The following GSE1 variants were observed in gnomAD, a reference collection of about 807,000 sequenced individuals.
GSE1 encodes the protein genetic suppressor element 1.
GSE1 carries 32 observed loss-of-function variants against 112.6 expected under a neutral mutation model. The observed-to-expected ratio is 0.28, with a 90% CI of 0.21 to 0.38. The LOEUF (loss-of-function observed/expected upper bound fraction) is 0.38, where lower values mean the gene tolerates loss of function less well. Among genes scored for constraint, GSE1 ranks in the 10% least tolerant of loss-of-function variants. The pLI, the probability that GSE1 is intolerant of heterozygous loss-of-function variation, is 1.00. For missense variants in GSE1, 2,348 were observed against 1,699.2 expected (o/e 1.38, Z -6.71); for synonymous variants, 1,115 against 735.6 (o/e 1.52, Z -8.35).
At chr16:85,440,953 C>CG (rs1338175514) in intron 2 of GSE1, among the ~76,000 whole-genome samples, 1 of 152,150 alleles carries the variant, frequency 6.6e-6, no homozygotes, top group Non-Finnish European at 1.5e-5. Context: ...GGCCACTTGC[C>CG]GGGGGTGGGC....
chr16:85,360,128 T>C (rs1343353048), intron 2 of GSE1, among the ~76,000 whole-genome samples: 2 of 151,860 alleles, frequency 1.3e-5, no homozygotes, highest in East Asian at 1.9e-4. Flanking sequence ...TTGGAGACCT[T>C]TGGGGATGGG....
At chr16:85,322,763 C>A (rs557286010) in intron 1 of GSE1, among the ~76,000 whole-genome samples, 1 of 152,144 alleles carries the variant, frequency 6.6e-6, no homozygotes, top group African/African-American at 2.4e-5. Flanking sequence ...CTACAGACGT[C>A]CACCACCATG....
At chr16:85,568,593 G>T (rs2045855840) in intron 1 of GSE1, among the ~76,000 whole-genome samples, 1 of 152,226 alleles carries the variant, frequency 6.6e-6, no homozygotes, top group Non-Finnish European at 1.5e-5. Context: ...TCAGTACAGG[G>T]TTGGTTGATC....
chr16:85,672,625 G>T lies in GSE1; in HGVS notation c.*86G>T. 1.0e-6 allele frequency: 1 copy of T among 970,584 alleles called. No homozygotes were observed. Among genetic ancestry groups the T allele is most frequent in the Non-Finnish European group, 1.4e-6 (1 of 694,830 alleles). The allele number at this position is 970,584 out of a possible 1,614,324, so 60.1% of individuals were successfully genotyped here. A position where few individuals can be genotyped will look rare whatever the true frequency, so the allele number is the denominator to read the frequency against. On this transcript the variant is annotated 3_prime_UTR_variant, in exon 16 of 16. Transcript: ENST00000253458. Reference sequence around the variant, plus strand: ...GAATATTTAATATTTTTCACTGGGAGGTTTGAAGCTTACAAAATGAGAATG... The same window carrying T: ...GAATATTTAATATTTTTCACTGGGATGTTTGAAGCTTACAAAATGAGAATG...
rs74031745 is a variant in GSE1, at chr16:85,249,393, G to A, written c.2283+77586G>A. On this transcript the variant is annotated intron_variant, in intron 1 of 2. Transcript: ENST00000637419. ...CTGTGGCACTTGCGGAGGCCCAGTC[G>A]GGCCAGCACTCTGTGGGCCTGTGCA... is the stretch of plus-strand genomic sequence containing the variant. 4.1e-3 allele frequency among the ~76,000 whole-genome samples: 619 copies of A among 152,356 alleles called. 2 individuals carry two copies. Among genetic ancestry groups the A allele is most frequent in the Middle Eastern group, 0.024 (7 of 294 alleles).
At chr16:85,278,052 A>G (rs1597266381) in intron 1 of GSE1, among the ~76,000 whole-genome samples, 1 of 152,240 alleles carries the variant, frequency 6.6e-6, no homozygotes, top group Admixed American at 6.5e-5. Flanking sequence ...CGTATCGTCC[A>G]TTTGAACCTC....
At chr16:85,245,617 C>T (rs948700103) in intron 1 of GSE1, among the ~76,000 whole-genome samples, 29 of 152,144 alleles carry the variant, frequency 1.9e-4, no homozygotes, top group African/African-American at 6.3e-4. Context: ...TGTTGAAAAG[C>T]GGTTACATTA....
chr16:85,250,281 C>T (rs911627321), intron 1 of GSE1, among the ~76,000 whole-genome samples: 19 of 152,226 alleles, frequency 1.2e-4, no homozygotes, highest in African/African-American at 3.9e-4. Flanking sequence ...CCTGGGTTCC[C>T]GGCAGAGGTT....
At chr16:85,391,765 G>A (rs1253193286) in intron 2 of GSE1, among the ~76,000 whole-genome samples, 1 of 152,188 alleles carries the variant, frequency 6.6e-6, no homozygotes, top group Non-Finnish European at 1.5e-5. Flanking sequence ...GTGTGCCCAA[G>A]GTCACTGGAG....
chr16:85,473,623 G>A (rs2050362854), intron 2 of GSE1, among the ~76,000 whole-genome samples: 1 of 152,186 alleles, frequency 6.6e-6, no homozygotes. Context: ...TTTCTTGTAA[G>A]GACACACATC....
chr16:85,483,678 A>G (rs558461343), intron 2 of GSE1, among the ~76,000 whole-genome samples: 50 of 152,392 alleles, frequency 3.3e-4, no homozygotes, highest in Middle Eastern at 3.4e-3. Context: ...ACCTGAGAAC[A>G]TGCTGGCAAA....
At chr16:85,595,795 T>C (rs1404792736) in intron 1 of GSE1, 2 of 140,638 alleles carry the variant, frequency 1.4e-5, no homozygotes, top group Non-Finnish European at 1.5e-5. Flanking sequence ...CCTCTATCCA[T>C]CCATTCCCCC....
At chr16:85,517,140 T>C (rs1398198024) in intron 2 of GSE1, among the ~76,000 whole-genome samples, 1 of 152,090 alleles carries the variant, frequency 6.6e-6, no homozygotes, top group Non-Finnish European at 1.5e-5. Context: ...GGCTTCTGCC[T>C]TCGTTGTGGG....
rs1312715811 is a variant in GSE1 at position 85,656,549 on chromosome 16, T to A, written c.1196T>A (p.Leu399Gln). Residue 399 changes from leucine (L) to glutamine (Q), a missense_variant, in exon 7 of 16, where the codon CTG becomes CAG. By Grantham distance (113) the Leu-to-Gln change is moderately radical. Coordinates refer to ENST00000253458, the MANE Select transcript of GSE1 (RefSeq NM_014615.5). ...CAGCGGGCCCGGGAGAAGGAGCTGC[T>A]GGCCGCCAAGGCCCTGGAGCCCAGC... Reference protein sequence around the residue: ...REQRAREKELLAAKALEPSFL... With the variant: ...REQRAREKELQAAKALEPSFL... 1 of 1,548,670 alleles carries A rather than the reference T, an allele frequency of 6.5e-7. No homozygotes were observed. Among genetic ancestry groups the A allele is most frequent in the Non-Finnish European group, 8.7e-7 (1 of 1,146,406 alleles).
exon 1 of GSE1, chr16:85,171,516 C>T (rs1270906692): frequency 1.0e-6 from 1 of 985,508 alleles, no homozygotes; most frequent in Non-Finnish European, 1.2e-6. Flanking sequence ...ATGAGGCCCG[C>T]AGCTCCCACC....
At chr16:85,575,518 G>C (rs2046194958) in intron 1 of GSE1, among the ~76,000 whole-genome samples, 1 of 151,970 alleles carries the variant, frequency 6.6e-6, no homozygotes, top group African/African-American at 2.4e-5. Context: ...TCTCCTCCTT[G>C]GGCTTTCACA....
In GSE1 at chr16:85,369,327, C is replaced by A. The variant is rs532642799; in HGVS notation, c.2464+11684C>A. Reference sequence around the variant, plus strand: ...ACCTCCCTGGGCTCAAGGGATCCTCCCACTTTAGCCTCCCAAGTAGCTGGG... The same window carrying A: ...ACCTCCCTGGGCTCAAGGGATCCTCACACTTTAGCCTCCCAAGTAGCTGGG... On this transcript the variant is annotated intron_variant, in intron 2 of 2. Transcript: ENST00000637419. 1.6e-4 allele frequency among the ~76,000 whole-genome samples: 24 copies of A among 152,228 alleles called. 1 individual carries two copies. In the South Asian group the frequency reaches 3.9e-3, roughly 25 times the overall value.
intron 2 of GSE1, among the ~76,000 whole-genome samples, chr16:85,367,709 T>A (rs1036945238): frequency 1.3e-5 from 2 of 152,248 alleles, no homozygotes; most frequent in Admixed American, 1.3e-4. Flanking sequence ...CCTGTCCTCG[T>A]GATCTCTCCA....
intron 1 of GSE1, among the ~76,000 whole-genome samples, chr16:85,321,020 G>A (rs1002331569): frequency 1.3e-5 from 2 of 152,090 alleles, no homozygotes; most frequent in Admixed American, 6.6e-5. Flanking sequence ...TGCGCCCCCT[G>A]CCCCCATCAC....
Sources: gnomAD v4.1 joint callset for allele counts (sites outside exome capture counted in the v4.1 genomes callset) on GRCh38, gnomAD v4.1.1 for gene constraint, MANE v1.5 for transcripts, NCBI Gene and HGNC (gene_info 2026-07-23, HGNC 2026-07-21) for gene names.